Variants in ITGAV observed in about 807,000 individuals in gnomAD.
The protein encoded by ITGAV is integrin subunit alpha V.
ITGAV carries 76 observed loss-of-function variants against 143.8 expected under a neutral mutation model. That is an observed-to-expected ratio of 0.53 (90% CI 0.44 to 0.64). The LOEUF is 0.64. ITGAV is among the 30% of genes least tolerant of loss of function. The pLI is 0.00. For missense variants in ITGAV, 1,193 were observed against 1,274.7 expected, an observed-to-expected ratio of 0.94 and a Z score of 0.98; for synonymous variants, 453 against 446.7, an observed-to-expected ratio of 1.01 and a Z score of -0.18.
intron 17 of ITGAV, among the ~76,000 whole-genome samples, chr2:186,657,625 G>A (rs1688627731): frequency 6.6e-6 from 1 of 152,082 alleles, no homozygotes; most frequent in Non-Finnish European, 1.5e-5. Flanking sequence ...TAATTTAAAT[G>A]AAAGTTAAGA....
chr2:186,625,345 C>T, intron 3 of ITGAV, 128 bp from the exon 4 acceptor site: 1 of 633,898 alleles, frequency 1.6e-6, no homozygotes, highest in Non-Finnish European at 2.8e-6. Flanking sequence ...GCACTCCAGC[C>T]TGGGCAACAG....
chr2:186,657,351 T>G (rs1051095724), intron 17 of ITGAV, among the ~76,000 whole-genome samples: 1 of 152,170 alleles, frequency 6.6e-6, no homozygotes, highest in Non-Finnish European at 1.5e-5. Context: ...AAACTGACCA[T>G]GCATAGGCCA....
chr2:186,657,439 A>G (rs1316490022), intron 17 of ITGAV, among the ~76,000 whole-genome samples: 4 of 152,180 alleles, frequency 2.6e-5, no homozygotes, highest in Admixed American at 6.5e-5. Flanking sequence ...AGAAATCCAT[A>G]ACAAAAAGAT....
At chr2:186,621,282 A>G (rs1269471764) in intron 2 of ITGAV, among the ~76,000 whole-genome samples, 17 of 152,342 alleles carry the variant, frequency 1.1e-4, no homozygotes, top group Middle Eastern at 3.4e-3. Context: ...TTGTTCACCT[A>G]GCTTCACCCA....
intron 2 of ITGAV, among the ~76,000 whole-genome samples, chr2:186,613,124 C>T (rs927612796): frequency 5.5e-5 from 8 of 144,584 alleles, no homozygotes; most frequent in Non-Finnish European, 1.2e-4. Context: ...TCAACCCATT[C>T]TTTAGGACTT....
At position 186,678,879 on chromosome 2, in the gene ITGAV, A is replaced by G. The variant is rs966751295; in HGVS notation, c.*1587A>G. ...AAATGATTGAAATTTATCTTGCCAT[A>G]TCTCATAATTTCATGCACAAGTTGA... On this transcript the variant is annotated 3_prime_UTR_variant, in exon 30 of 30. Coordinates refer to ENST00000261023, the MANE Select transcript of ITGAV (RefSeq NM_002210.5). The G allele has an allele frequency of 1.3e-5, 5 of 386,984 alleles. No individual in the cohort carries two copies. The highest frequency in any genetic ancestry group is 1.1e-4 in the African/African-American group (5 of 47,386). The allele number at this position is 386,984 out of a possible 1,614,324, so 24.0% of individuals were successfully genotyped here. A position where few individuals can be genotyped will look rare whatever the true frequency, so the allele number is the denominator to read the frequency against.
intron 2 of ITGAV, among the ~76,000 whole-genome samples, chr2:186,617,732 C>T (rs1039215446): frequency 3.9e-5 from 6 of 152,076 alleles, no homozygotes; most frequent in South Asian, 2.1e-4. Flanking sequence ...TACTTTATTT[C>T]GATAATTAAA....
intron 2 of ITGAV, among the ~76,000 whole-genome samples, chr2:186,610,181 C>T (rs971788433): frequency 2.0e-5 from 3 of 151,964 alleles, no homozygotes; most frequent in African/African-American, 7.3e-5. Flanking sequence ...ATTATAGACA[C>T]GACTTTAAAA....
intron 1 of ITGAV, among the ~76,000 whole-genome samples, chr2:186,598,294 TACACACACACACACACAC>T (rs56789925): frequency 3.4e-5 from 5 of 147,856 alleles, no homozygotes; most frequent in East Asian, 2.0e-4. Context: ...TTATAATTTA[TACACACACACACACACAC>T]ACACACACAC....
intron 2 of ITGAV, among the ~76,000 whole-genome samples, chr2:186,608,172 T>G: frequency 6.6e-6 from 1 of 152,166 alleles, no homozygotes; most frequent in Non-Finnish European, 1.5e-5. Context: ...CAAAGAGGTA[T>G]GTCTGGTTCT....
At chr2:186,649,997 A>G (rs1187020036) in intron 14 of ITGAV, 112 bp downstream of exon 14, 9 of 685,924 alleles carry the variant, frequency 1.3e-5, no homozygotes, top group Non-Finnish European at 2.1e-5. Context: ...TAATGATAAA[A>G]TTTGCTCTTT....
intron 6 of ITGAV, among the ~76,000 whole-genome samples, chr2:186,633,647 G>A (rs768976604): frequency 2.3e-4 from 35 of 151,368 alleles, no homozygotes; most frequent in Non-Finnish European, 4.0e-4. Context: ...ATTATATAAA[G>A]TAATTTATTT....
chr2:186,633,324 T>C lies in ITGAV; in HGVS notation c.586-5T>C, dbSNP rs200328582. 4 of 1,574,772 alleles carry C rather than the reference T, an allele frequency of 2.5e-6. No homozygotes were observed. Among genetic ancestry groups the C allele is most frequent in the African/African-American group, 1.4e-5 (1 of 73,934 alleles). On this transcript the variant is annotated splice_polypyrimidine_tract_variant and splice_region_variant and intron_variant, in intron 5 of 29. Transcript: ENST00000261023. ...TATATCTTTTTGTTGTGTGATTTCA[T>C]CTAGGCTGACAGAGTACTTCTTGGT... is the stretch of plus-strand genomic sequence containing the variant.
At chr2:186,626,651 T>C (rs1687683828) in intron 4 of ITGAV, among the ~76,000 whole-genome samples, 1 of 152,218 alleles carries the variant, frequency 6.6e-6, no homozygotes, top group African/African-American at 2.4e-5. Context: ...ATTATTTCAA[T>C]AAACACTTAT....
chr2:186,646,921 T>A, intron 13 of ITGAV, 44 bp downstream of exon 13: 1 of 1,249,534 alleles, frequency 8.0e-7, no homozygotes, highest in Non-Finnish European at 1.1e-6. Flanking sequence ...TTTTCAGTCC[T>A]AATAGCAAAT....
intron 3 of ITGAV, among the ~76,000 whole-genome samples, chr2:186,623,879 C>G (rs1023786453): frequency 6.6e-6 from 1 of 152,090 alleles, no homozygotes; most frequent in African/African-American, 2.4e-5. Flanking sequence ...ATCATTACCC[C>G]CTTGGACCAC....
rs1686568067 is a variant in ITGAV at position 186,590,122 on chromosome 2, C to T, written c.-217C>T. 2 of 426,080 alleles carry T rather than the reference C, an allele frequency of 4.7e-6. No homozygotes were observed. The highest frequency in any genetic ancestry group is 4.5e-5 in the Admixed American group (1 of 22,010). 26.4% of individuals were successfully genotyped at this position (426,080 alleles called of 1,614,324 possible). A position where few individuals can be genotyped will look rare whatever the true frequency, so the allele number is the denominator to read the frequency against. On this transcript the variant is annotated 5_prime_UTR_variant, in exon 1 of 30. Transcript: ENST00000261023. ...GGGAAGCAAAGGACCGTCTGCGCTG[C>T]TGTCCCCGCCCCGCGCGCTCTGCGC...
At chr2:186,644,656 A>G (rs943352991) in intron 12 of ITGAV, among the ~76,000 whole-genome samples, 5 of 152,168 alleles carry the variant, frequency 3.3e-5, no homozygotes, top group Non-Finnish European at 7.3e-5. Flanking sequence ...AAGGATAAAA[A>G]GAATACTTTT....
chr2:186,676,822 A>G lies in ITGAV; in HGVS notation c.2938A>G (p.Asn980Asp), dbSNP rs748927654. Residue 980 changes from asparagine (N) to aspartate (D), a missense_variant, in exon 29 of 30, where the codon AAT becomes GAT. Transcript: ENST00000261023. ...DITNSTLVTT[N>D]VTWGIQPAPM... ...CTTTTTTCCTCGATAGGTTACCACT[A>G]ATGTCACCTGGGGCATTCAGCCAGC... 2.6e-5 allele frequency: 42 copies of G among 1,613,752 alleles called. No individual in the cohort carries two copies. Among genetic ancestry groups the G allele is most frequent in the Non-Finnish European group, 3.6e-5 (42 of 1,179,884 alleles).
Sources: allele counts gnomAD v4.1 joint callset (sites outside exome capture counted in the v4.1 genomes callset), GRCh38; gene constraint gnomAD v4.1.1; transcripts MANE v1.5; gene names NCBI Gene and HGNC (gene_info 2026-07-23, HGNC 2026-07-21).